ZSWIM5: variants seen among roughly 807,000 people sequenced by gnomAD.
ZSWIM5 encodes the protein zinc finger SWIM-type containing 5, also known as zinc finger SWIM domain-containing protein 5.
In ZSWIM5, 55 loss-of-function variants were observed where a neutral mutation model predicts 119.6. That is an observed-to-expected ratio of 0.46 (90% confidence interval 0.37 to 0.58). ZSWIM5 has a LOEUF of 0.58. Ranked by LOEUF, ZSWIM5 falls within the 20% of genes least tolerant of loss-of-function variation. The pLI, the probability that ZSWIM5 is intolerant of heterozygous loss-of-function variation, is 0.00. For synonymous variants in ZSWIM5, 537 were observed against 606.9 expected (o/e 0.88, Z 1.69); for missense variants, 1,193 against 1,512.8 (o/e 0.79, Z 3.51).
At chr1:45,108,031 AG>A (rs1030844446) in intron 1 of ZSWIM5, among the ~76,000 whole-genome samples, 1 of 152,076 alleles carries the variant, frequency 6.6e-6, no homozygotes, top group African/African-American at 2.4e-5. Flanking sequence ...CCTGAACTCA[AG>A]GGATCCTCCT....
chr1:45,163,315 C>A (rs1252035047), intron 1 of ZSWIM5, among the ~76,000 whole-genome samples: 8 of 152,214 alleles, frequency 5.3e-5, no homozygotes, highest in Admixed American at 4.6e-4. Flanking sequence ...AAAACCCCAT[C>A]TGTACGTCAT....
intron 1 of ZSWIM5, among the ~76,000 whole-genome samples, chr1:45,115,426 C>A (rs866490674): frequency 1.4e-5 from 2 of 146,362 alleles, no homozygotes; most frequent in East Asian, 2.1e-4. Context: ...TCAGACGGGG[C>A]GGCCGGGCAG....
At chr1:45,085,789 T>G (rs1251708647) in intron 2 of ZSWIM5, among the ~76,000 whole-genome samples, 1 of 152,138 alleles carries the variant, frequency 6.6e-6, no homozygotes, top group Non-Finnish European at 1.5e-5. Context: ...AGCATTTTGG[T>G]CACAACAATT....
intron 1 of ZSWIM5, among the ~76,000 whole-genome samples, chr1:45,155,849 T>A (rs1469913258): frequency 4.6e-5 from 7 of 152,076 alleles, no homozygotes; most frequent in African/African-American, 9.7e-5. Context: ...TGCAAAGGGA[T>A]AAGAAGGATT....
At chr1:45,194,019 A>G (rs542846414) in intron 1 of ZSWIM5, among the ~76,000 whole-genome samples, 138 of 152,086 alleles carry the variant, frequency 9.1e-4, no homozygotes, top group Non-Finnish European at 1.6e-3. Context: ...CAATAATATA[A>G]TATTCAGTGA....
rs1224367626 is a variant in ZSWIM5, at chr1:45,017,251, T to C, written c.*1203A>G. ...ACATGAATACACAGACATCCCTACA[T>C]GTAGAAATACGCTCAGTTACACATA... is the stretch of plus-strand genomic sequence containing the variant. On this transcript the variant is annotated 3_prime_UTR_variant, in exon 14 of 14. Coordinates refer to ENST00000359600, the MANE Select transcript of ZSWIM5 (RefSeq NM_020883.2). 2 of 152,196 alleles carry C rather than the reference T, an allele frequency of 1.3e-5. No homozygotes were observed. Among genetic ancestry groups the C allele is most frequent in the African/African-American group, 4.8e-5 (2 of 41,438 alleles). 9.4% of individuals were successfully genotyped at this position (152,196 alleles called of 1,614,324 possible).
chr1:45,186,349 T>A (rs1047729071), intron 1 of ZSWIM5, among the ~76,000 whole-genome samples: 2 of 150,574 alleles, frequency 1.3e-5, no homozygotes, highest in Non-Finnish European at 3.0e-5. Flanking sequence ...CATGTATACA[T>A]ATGTAACTAA....
chr1:45,110,438 A>G (rs1645509710), intron 1 of ZSWIM5, among the ~76,000 whole-genome samples: 1 of 152,222 alleles, frequency 6.6e-6, no homozygotes, highest in South Asian at 2.1e-4. Flanking sequence ...GAGGCTTTCA[A>G]GACTAAGAAT....
intron 1 of ZSWIM5, among the ~76,000 whole-genome samples, chr1:45,163,625 C>G (rs1645879373): frequency 6.6e-6 from 1 of 152,104 alleles, no homozygotes; most frequent in Non-Finnish European, 1.5e-5. Flanking sequence ...TAGAGAAGAC[C>G]TTAAATGACC....
chr1:45,099,146 C>T (rs1028538606), intron 1 of ZSWIM5, among the ~76,000 whole-genome samples: 43 of 152,040 alleles, frequency 2.8e-4, no homozygotes, highest in Admixed American at 2.5e-3. Context: ...ATTGATAGAC[C>T]GCTAGCAAGA....
At chr1:45,096,231 G>A (rs771666903) in intron 1 of ZSWIM5, among the ~76,000 whole-genome samples, 1 of 152,064 alleles carries the variant, frequency 6.6e-6, no homozygotes, top group Non-Finnish European at 1.5e-5. Context: ...CAGGTATAAA[G>A]AGAAGCAATA....
intron 1 of ZSWIM5, among the ~76,000 whole-genome samples, chr1:45,096,672 C>T (rs1281760227): frequency 6.6e-6 from 1 of 152,172 alleles, no homozygotes; most frequent in Non-Finnish European, 1.5e-5. Context: ...CATTTACCCA[C>T]CCCTTGCCCC....
chr1:45,081,483 G>T (rs1420541233), intron 2 of ZSWIM5, among the ~76,000 whole-genome samples: 1 of 152,228 alleles, frequency 6.6e-6, no homozygotes, highest in African/African-American at 2.4e-5. Flanking sequence ...ACTGGTTTTC[G>T]TATTTTTTTG....
intron 4 of ZSWIM5, among the ~76,000 whole-genome samples, chr1:45,052,881 G>A (rs888410224): frequency 5.9e-5 from 9 of 152,098 alleles, no homozygotes; most frequent in African/African-American, 2.2e-4. Context: ...TAGCCCTGTG[G>A]GAGGCTGAGG....
At chr1:45,190,265 C>T (rs1646083339) in intron 1 of ZSWIM5, among the ~76,000 whole-genome samples, 1 of 152,090 alleles carries the variant, frequency 6.6e-6, no homozygotes, top group African/African-American at 2.4e-5. Flanking sequence ...CTGGAGATTG[C>T]AGTGAGCTGA....
intron 5 of ZSWIM5, among the ~76,000 whole-genome samples, chr1:45,044,701 G>A (rs1645037164): frequency 1.1e-5 from 1 of 87,958 alleles, no homozygotes. Flanking sequence ...TCCAGCCTGG[G>A]CGACAGAGCC....
At chr1:45,181,542 C>G (rs902710448) in intron 1 of ZSWIM5, among the ~76,000 whole-genome samples, 5 of 151,974 alleles carry the variant, frequency 3.3e-5, no homozygotes, top group African/African-American at 1.2e-4. Context: ...CCCAATCTAG[C>G]AAGGCAGGCC....
chr1:45,154,320 G>A (rs1645814647), intron 1 of ZSWIM5, among the ~76,000 whole-genome samples: 1 of 152,070 alleles, frequency 6.6e-6, no homozygotes, highest in African/African-American at 2.4e-5. Context: ...TACAAATTTG[G>A]AGGCACCACA....
intron 1 of ZSWIM5, among the ~76,000 whole-genome samples, chr1:45,141,538 G>A (rs1335792011): frequency 1.3e-5 from 2 of 152,150 alleles, no homozygotes; most frequent in Non-Finnish European, 2.9e-5. Context: ...CAGCCAGGTT[G>A]AAACTTGGGG....
Sources: allele counts gnomAD v4.1 joint callset (sites outside exome capture counted in the v4.1 genomes callset), GRCh38; gene constraint gnomAD v4.1.1; transcripts MANE v1.5; gene names NCBI Gene and HGNC (gene_info 2026-07-23, HGNC 2026-07-21).